WDFY3: variants seen among roughly 807,000 people sequenced by gnomAD.
WDFY3 encodes WD repeat and FYVE domain-containing protein 3.
A neutral mutation model predicts 409.6 loss-of-function variants in WDFY3; 66 were observed. The observed-to-expected ratio is 0.16, with a 90% confidence interval of 0.13 to 0.20. The LOEUF (loss-of-function observed/expected upper bound fraction) is 0.20, where lower values mean the gene tolerates loss of function less well. WDFY3 is among the 10% of genes least tolerant of loss of function. WDFY3 has a pLI of 1.00. For missense variants in WDFY3, 3,031 were observed against 4,298.1 expected, an observed-to-expected ratio of 0.71 and a Z score of 8.24; for synonymous variants, 1,521 against 1,537.1, an observed-to-expected ratio of 0.99 and a Z score of 0.25.
At chr4:84,873,329 C>T (rs1232433041) in intron 3 of WDFY3, among the ~76,000 whole-genome samples, 1 of 152,146 alleles carries the variant, frequency 6.6e-6, no homozygotes, top group Admixed American at 6.5e-5. Context: ...ACAAAGTATG[C>T]TCCCAGGTCA....
chr4:84,796,633 G>C lies in WDFY3; in HGVS notation c.3055C>G (p.Leu1019Val), dbSNP rs1749493424. 1 of 1,613,986 alleles carries C rather than the reference G, an allele frequency of 6.2e-7. No homozygotes were observed. The highest frequency in any genetic ancestry group is 1.7e-5 in the Admixed American group (1 of 59,998). Residue 1019 changes from leucine (L) to valine (V), a missense_variant, in exon 19 of 68, where the codon CTG (leucine) becomes GTG (valine). By Grantham distance (32) the Leu-to-Val change is conservative. Transcript: ENST00000295888. ...GAGACCAGACACTTCACCCTGGTCAGGGGTACAGTACTTCCTTCCGCAGAT... is the reference window on the plus strand; with the variant it reads ...GAGACCAGACACTTCACCCTGGTCACGGGTACAGTACTTCCTTCCGCAGAT... ...VKSAEGSTVPLTRVKCLVSMT... is the reference protein window; with the variant it reads ...VKSAEGSTVPVTRVKCLVSMT...
intron 30 of WDFY3, among the ~76,000 whole-genome samples, chr4:84,768,259 G>C (rs188870654): frequency 6.6e-6 from 1 of 152,318 alleles, no homozygotes; most frequent in African/African-American, 2.4e-5. Context: ...TAATGAAAGT[G>C]ACTACGCTAA....
intron 2 of WDFY3, among the ~76,000 whole-genome samples, chr4:84,929,791 A>G (rs1579172785): frequency 6.6e-6 from 1 of 152,050 alleles, no homozygotes; most frequent in East Asian, 1.9e-4. Context: ...CACACCTGTA[A>G]TCCCAGCTAC....
intron 4 of WDFY3, among the ~76,000 whole-genome samples, chr4:84,852,390 T>G (rs1759153955): frequency 6.6e-6 from 1 of 152,178 alleles, no homozygotes; most frequent in South Asian, 2.1e-4. Flanking sequence ...AAACCATGAA[T>G]AAGGAGGGAT....
chr4:84,719,958 G>A (rs1296572195), intron 47 of WDFY3, among the ~76,000 whole-genome samples: 13 of 152,172 alleles, frequency 8.5e-5, no homozygotes, highest in Admixed American at 8.5e-4. Flanking sequence ...CTACTTCTTA[G>A]AGGGTAAGAA....
At chr4:84,699,042 CTG>C (rs1283688772) in intron 56 of WDFY3, among the ~76,000 whole-genome samples, 2 of 151,616 alleles carry the variant, frequency 1.3e-5, no homozygotes, top group South Asian at 2.1e-4. Context: ...AAGAGGCAAA[CTG>C]TTTTTTTTTT....
chr4:84,964,796 A>G (rs1285216789), intron 1 of WDFY3, among the ~76,000 whole-genome samples: 1 of 152,152 alleles, frequency 6.6e-6, no homozygotes, highest in African/African-American at 2.4e-5. Flanking sequence ...TGCTGGAATG[A>G]CAGGCATGAC....
chr4:84,831,732 GA>G lies in WDFY3; in HGVS notation c.577-128del, dbSNP rs1224228774. 9 of 762,346 alleles carry G rather than the reference GA, an allele frequency of 1.2e-5. No individual in the cohort carries two copies. In the African/African-American group the frequency reaches 1.4e-4, roughly 12 times the overall value. 47.2% of individuals were successfully genotyped at this position (762,346 alleles called of 1,614,324 possible). On this transcript the variant is annotated intron_variant, in intron 7 of 67. Transcript: ENST00000295888. ...ACATAGAAATGGCCAACAGGTATAT[GA>G]AAAAATGCTCAACATCACTAATCAT... is the stretch of plus-strand genomic sequence containing the variant.
At chr4:84,900,791 C>T (rs1766245143) in intron 2 of WDFY3, among the ~76,000 whole-genome samples, 1 of 152,098 alleles carries the variant, frequency 6.6e-6, no homozygotes, top group African/African-American at 2.4e-5. Flanking sequence ...TGTATCAAAA[C>T]CCATAAAGCT....
At chr4:84,919,859 A>G (rs2150842450) in intron 2 of WDFY3, among the ~76,000 whole-genome samples, 1 of 152,306 alleles carries the variant, frequency 6.6e-6, no homozygotes, top group East Asian at 1.9e-4. Context: ...ACTAATACAC[A>G]TAGTAACTAT....
Position 84,679,119 on chromosome 4 carries a change from C to A in WDFY3, c.9947G>T (p.Cys3316Phe), listed in dbSNP as rs1446600359. The part of the protein sequence containing the change: ...STSHRPRAAS[C>F]RATAAWCTDS... ...AGTACACCAGGCGGCTGTTGCGCGG[C>A]AGGAGGCTGCCCGGGGCCTGTGGCT... Residue 3316 changes from cysteine (C) to phenylalanine (F), a missense_variant, in exon 65 of 68, where the codon TGC (cysteine) becomes TTC (phenylalanine). Transcript: ENST00000295888. The A allele has an allele frequency of 1.9e-6, 3 of 1,614,176 alleles. No homozygotes were observed. The highest frequency in any genetic ancestry group is 1.7e-6 in the Non-Finnish European group (2 of 1,180,022).
In WDFY3 at chr4:84,765,977, A is replaced by C; in HGVS notation, c.5021T>G (p.Phe1674Cys). The change falls in exon 32 of 68, where the codon TTT (phenylalanine) becomes TGT (cysteine). Residue 1674 changes from phenylalanine to cysteine, a missense_variant. Physicochemically the swap from Phe to Cys is radical, Grantham distance 205. Coordinates refer to ENST00000295888, the MANE Select transcript of WDFY3 (RefSeq NM_014991.6). ...KTLGFDWIMM[F>C]MEEHLHSTTV... is the part of the protein sequence containing the mutation. Reference sequence around the variant, plus strand: ...GGTGGAATGTAAGTGTTCCTCCATAAACATCATGATCCAGTCAAAACCCAG... The same window carrying C: ...GGTGGAATGTAAGTGTTCCTCCATACACATCATGATCCAGTCAAAACCCAG... 2 of 1,614,042 alleles carry C rather than the reference A, an allele frequency of 1.2e-6. No individual in the cohort carries two copies. Among genetic ancestry groups the C allele is most frequent in the South Asian group, 2.2e-5 (2 of 91,080 alleles).
In WDFY3 at chr4:84,761,638, T is replaced by G. The variant is rs572411063; in HGVS notation, c.5188+4172A>C. On this transcript the variant is annotated intron_variant, in intron 32 of 67. Coordinates refer to ENST00000295888, the MANE Select transcript of WDFY3 (RefSeq NM_014991.6). ...GGATCTAATTAAACTAAAGAGCTTCTGCACAGCAAAGGAAACTACCATCAG... is the reference window on the plus strand; with the variant it reads ...GGATCTAATTAAACTAAAGAGCTTCGGCACAGCAAAGGAAACTACCATCAG... 1.6e-4 allele frequency among the ~76,000 whole-genome samples: 25 copies of G among 152,328 alleles called. 1 individual carries two copies. The East Asian group carries it at 4.8e-3, about 29-fold the overall frequency.
intron 25 of WDFY3, among the ~76,000 whole-genome samples, chr4:84,781,914 C>T (rs977743965): frequency 1.3e-5 from 2 of 152,042 alleles, no homozygotes; most frequent in East Asian, 1.9e-4. Context: ...ATAAAAATTG[C>T]CAATGACTAA....
At chr4:84,821,681 A>T (rs1754085430) in intron 10 of WDFY3, 130 bp from the exon 11 acceptor site, 1 of 764,118 alleles carries the variant, frequency 1.3e-6, no homozygotes, top group Non-Finnish European at 2.0e-6. Flanking sequence ...CCCTGTTTTC[A>T]CAAAAGGTCT....
chr4:84,838,460 A>G (rs1578754082), intron 6 of WDFY3, among the ~76,000 whole-genome samples: 1 of 152,220 alleles, frequency 6.6e-6, no homozygotes, highest in African/African-American at 2.4e-5. Flanking sequence ...ACAAACAAAA[A>G]GTAAAAGAGC....
intron 56 of WDFY3, among the ~76,000 whole-genome samples, chr4:84,698,292 T>TA (rs1269608742): frequency 0.012 from 1,496 of 120,692 alleles, 21 homozygotes; most frequent in African/African-American, 0.035. Flanking sequence ...ATATATATAT[T>TA]TTTTTTTTTT....
chr4:84,784,889 T>TACACACAC (rs1441669534), intron 24 of WDFY3, among the ~76,000 whole-genome samples: 34 of 52,064 alleles, frequency 6.5e-4, no homozygotes, highest in African/African-American at 2.1e-3. Flanking sequence ...TATATATATA[T>TACACACAC]ATACACACAC....
chr4:84,865,989 G>C (rs1176461401), intron 3 of WDFY3, among the ~76,000 whole-genome samples: 11 of 152,054 alleles, frequency 7.2e-5, no homozygotes, highest in Non-Finnish European at 1.6e-4. Flanking sequence ...GGGATTGCTT[G>C]GGTCTGGGGA....
Sources: allele counts gnomAD v4.1 joint callset (sites outside exome capture counted in the v4.1 genomes callset), GRCh38; gene constraint gnomAD v4.1.1; transcripts MANE v1.5; gene names NCBI Gene and HGNC (gene_info 2026-07-23, HGNC 2026-07-21).